The following MTR variants were observed in gnomAD, a reference collection of about 807,000 sequenced individuals.
MTR encodes the protein methionine synthase.
Under a neutral mutation model 154.8 loss-of-function variants are expected in MTR, and 84 were observed. The observed-to-expected ratio is 0.54, with a 90% confidence interval of 0.45 to 0.65. The LOEUF is 0.65. Among genes scored for constraint, MTR ranks in the 30% least tolerant of loss-of-function variants. The pLI, the probability that MTR is intolerant of heterozygous loss-of-function variation, is 0.00. For synonymous variants in MTR, 554 were observed against 553.9 expected, an observed-to-expected ratio of 1.00 and a Z score of 0.00; for missense variants, 1,275 against 1,570.2, an observed-to-expected ratio of 0.81 and a Z score of 3.18.
At chr1:236,877,828 A>G (rs1161694355) in intron 24 of MTR, among the ~76,000 whole-genome samples, 1 of 152,140 alleles carries the variant, frequency 6.6e-6, no homozygotes, top group African/African-American at 2.4e-5. Flanking sequence ...AATTGTAGCA[A>G]TTTACACTCC....
intron 18 of MTR, among the ~76,000 whole-genome samples, chr1:236,856,785 C>T (rs1044289450): frequency 2.6e-5 from 4 of 152,026 alleles, no homozygotes; most frequent in Middle Eastern, 3.2e-3. Flanking sequence ...TGCAGTGTTT[C>T]GTTTTCTGTT....
rs1014627871 is a variant in MTR, at chr1:236,812,028, G to A, written c.503-710G>A. ...CCCCAGTAGCTGGGGCTACAGGCGT[G>A]TGCCATCACGCCTGGCTAATTTTTA... On this transcript the variant is annotated intron_variant, in intron 5 of 32. Coordinates refer to ENST00000366577, the MANE Select transcript of MTR (RefSeq NM_000254.3). 5.9e-5 allele frequency among the ~76,000 whole-genome samples: 9 copies of A among 152,184 alleles called. 1 individual carries two copies. The highest frequency in any genetic ancestry group is 1.9e-4 in the African/African-American group (8 of 41,448).
At chr1:236,841,062 C>T (rs1187366895) in intron 15 of MTR, among the ~76,000 whole-genome samples, 1 of 152,182 alleles carries the variant, frequency 6.6e-6, no homozygotes, top group Admixed American at 6.5e-5. Context: ...AAAAAGCCTT[C>T]AGCCTTCTAG....
chr1:236,864,653 C>T (rs1218797846), intron 22 of MTR, among the ~76,000 whole-genome samples: 1 of 152,100 alleles, frequency 6.6e-6, no homozygotes, highest in Non-Finnish European at 1.5e-5. Flanking sequence ...GAAATTTTAC[C>T]TATATAATAA....
intron 22 of MTR, among the ~76,000 whole-genome samples, chr1:236,870,710 C>T (rs1475800779): frequency 6.6e-6 from 1 of 152,188 alleles, no homozygotes; most frequent in Admixed American, 6.5e-5. Flanking sequence ...CTTACATATC[C>T]AGTGGACTCC....
chr1:236,819,582 G>C (rs544008492), intron 8 of MTR: 1 of 414,106 alleles, frequency 2.4e-6, no homozygotes, highest in East Asian at 5.9e-5. Context: ...CTCACAGAGG[G>C]GTCCATCCGG....
At chr1:236,843,169 C>A (rs995888164) in intron 15 of MTR, among the ~76,000 whole-genome samples, 2 of 151,778 alleles carry the variant, frequency 1.3e-5, no homozygotes, top group African/African-American at 2.4e-5. Context: ...GGATTTGATC[C>A]CCCCTCAGCA....
At chr1:236,859,532 T>G (rs1048071254) in intron 18 of MTR, among the ~76,000 whole-genome samples, 1 of 152,202 alleles carries the variant, frequency 6.6e-6, no homozygotes, top group Non-Finnish European at 1.5e-5. Context: ...GGAGTATAGC[T>G]TCTCTTACTG....
chr1:236,806,298 AG>A, intron 3 of MTR, 65 bp downstream of exon 3: 1 of 1,284,784 alleles, frequency 7.8e-7, no homozygotes, highest in Non-Finnish European at 1.1e-6. Context: ...GGTAGTTGCT[AG>A]TGAGTAAAGC....
chr1:236,838,636 C>T, intron 15 of MTR, 37 bp downstream of exon 15: 2 of 1,612,034 alleles, frequency 1.2e-6, no homozygotes, highest in Non-Finnish European at 1.7e-6. Flanking sequence ...ATTGTGTTTC[C>T]CAGGTTAGAT....
chr1:236,866,638 C>A (rs1664838720), intron 22 of MTR, among the ~76,000 whole-genome samples: 1 of 152,166 alleles, frequency 6.6e-6, no homozygotes, highest in Non-Finnish European at 1.5e-5. Flanking sequence ...AGGCTTCTTG[C>A]ACCAAATAGC....
At chr1:236,845,077 C>T (rs10925247) in intron 15 of MTR, among the ~76,000 whole-genome samples, 52,963 of 152,058 alleles carry the variant, frequency 0.35, 10,003 homozygotes, top group Non-Finnish European at 0.41. Context: ...ACCGAGGTGG[C>T]GGCCATTGCA....
At chr1:236,885,353 C>G (rs771458969) in intron 26 of MTR, 134 bp downstream of exon 26, 59 of 691,764 alleles carry the variant, frequency 8.5e-5, no homozygotes, top group Admixed American at 4.0e-4. Flanking sequence ...TTTCTGTCTT[C>G]TAGTTCAAAT....
chr1:236,890,498 G>A (rs1056646943), intron 28 of MTR, among the ~76,000 whole-genome samples: 3 of 152,106 alleles, frequency 2.0e-5, no homozygotes, highest in African/African-American at 7.2e-5. Flanking sequence ...TCTGGGGGAC[G>A]GGGCCTGTGC....
rs1331896515 is a variant in MTR at position 236,825,374 on chromosome 1, C to A, written c.902C>A (p.Pro301His). 1 of 1,613,624 alleles carries A rather than the reference C, an allele frequency of 6.2e-7. No individual in the cohort carries two copies. The highest frequency in any genetic ancestry group is 1.3e-5 in the African/African-American group (1 of 74,864). ...PNTFGDYDET[P>H]SMMAKHLKDF... ...ACCTTTGGTGACTATGATGAAACGCCTTCTATGATGGCCAAGCACCTAAAG... is the reference window on the plus strand; with the variant it reads ...ACCTTTGGTGACTATGATGAAACGCATTCTATGATGGCCAAGCACCTAAAG... Residue 301 changes from proline (P) to histidine (H), a missense_variant, in exon 10 of 33, where the codon CCT becomes CAT. Coordinates refer to ENST00000366577, the MANE Select transcript of MTR (RefSeq NM_000254.3).
chr1:236,895,387 T>A lies in MTR; in HGVS notation c.3435T>A (p.Val1145=). ...TTGCAGAAGAGCTCCATGAAAGAGT[T>A]CGCCGAGAACTGTGGGCCTACTGTG... ...EAFAEELHER[V]RRELWAYCGS... The change falls in exon 31 of 33, where the codon GTT becomes GTA. Residue 1145 remains valine, a synonymous_variant. Transcript: ENST00000366577. 1 of 1,603,666 alleles carries A rather than the reference T, an allele frequency of 6.2e-7. No homozygotes were observed. The highest frequency in any genetic ancestry group is 8.5e-7 in the Non-Finnish European group (1 of 1,174,722).
chr1:236,805,750 G>A (rs963110440), intron 2 of MTR, among the ~76,000 whole-genome samples: 1 of 151,974 alleles, frequency 6.6e-6, no homozygotes, highest in Non-Finnish European at 1.5e-5. Context: ...CTCTCACCTT[G>A]GCTTCCCAAA....
chr1:236,859,772 C>G (rs1664411513), intron 18 of MTR, 61 bp from the exon 19 acceptor site: 3 of 1,304,880 alleles, frequency 2.3e-6, no homozygotes, highest in Non-Finnish European at 3.3e-6. Context: ...GTTTGTTTTG[C>G]CATCAAACAG....
chr1:236,822,361 G>A (rs1662017634), intron 8 of MTR, among the ~76,000 whole-genome samples: 1 of 147,004 alleles, frequency 6.8e-6, no homozygotes, highest in Non-Finnish European at 1.5e-5. Flanking sequence ...TCAGGCTGGA[G>A]TGCTGTGGTA....
Sources: gnomAD v4.1 joint callset for allele counts (sites outside exome capture counted in the v4.1 genomes callset) on GRCh38, gnomAD v4.1.1 for gene constraint, MANE v1.5 for transcripts, NCBI Gene and HGNC (gene_info 2026-07-23, HGNC 2026-07-21) for gene names.